The following LARGE1 variants were observed in gnomAD, a reference collection of about 807,000 sequenced individuals.
LARGE1 encodes the protein LARGE xylosyl- and glucuronyltransferase 1.
Under a neutral mutation model 87.6 loss-of-function variants are expected in LARGE1, and 43 were observed. That is an observed-to-expected ratio of 0.49 (90% confidence interval 0.38 to 0.63). The LOEUF is 0.63. LARGE1 is among the 30% of genes least tolerant of loss of function. LARGE1 has a pLI of 0.00. For missense variants in LARGE1, 802 were observed against 1,000.2 expected, an observed-to-expected ratio of 0.80 and a Z score of 2.67; for synonymous variants, 434 against 394.6, an observed-to-expected ratio of 1.10 and a Z score of -1.18.
intron 14 of LARGE1, among the ~76,000 whole-genome samples, chr22:33,275,175 C>T: frequency 6.6e-6 from 1 of 152,172 alleles, no homozygotes; most frequent in Admixed American, 6.5e-5. Flanking sequence ...CAAGAACAAA[C>T]CTCTCCCTGA....
chr22:33,514,338 A>G (rs549212954), intron 6 of LARGE1, among the ~76,000 whole-genome samples: 2 of 152,204 alleles, frequency 1.3e-5, no homozygotes, highest in African/African-American at 4.8e-5. Context: ...ATATGTGTGT[A>G]TATATATATT....
chr22:33,247,433 G>T (rs1358725546), intron 11 of LARGE1, among the ~76,000 whole-genome samples: 1 of 149,836 alleles, frequency 6.7e-6, no homozygotes, highest in African/African-American at 2.5e-5. Context: ...TTCTTCCTTT[G>T]TCAGTGAAAG....
the LARGE1 span, among the ~76,000 whole-genome samples, chr22:33,086,093 G>A: frequency 2.6e-5 from 4 of 152,054 alleles, no homozygotes; most frequent in African/African-American, 7.2e-5. Context: ...AATATGCTTC[G>A]GAAAAATATG....
At chr22:33,730,875 A>G (rs1457581295) in intron 2 of LARGE1, among the ~76,000 whole-genome samples, 2 of 151,838 alleles carry the variant, frequency 1.3e-5, no homozygotes, top group East Asian at 3.9e-4. Context: ...TTCTGTATTT[A>G]GTAGAGACAG....
intron 1 of LARGE1, among the ~76,000 whole-genome samples, chr22:33,874,701 GTCTT>G (rs912903479): frequency 1.4e-4 from 21 of 152,124 alleles, no homozygotes; most frequent in Non-Finnish European, 2.5e-4. Flanking sequence ...GTACTTAACT[GTCTT>G]TGAAAGTTCA....
At chr22:33,110,866 T>C in the LARGE1 span, among the ~76,000 whole-genome samples, 1 of 152,218 alleles carries the variant, frequency 6.6e-6, no homozygotes, top group South Asian at 2.1e-4. Flanking sequence ...ATTGCTTTTC[T>C]GTTGGCCTAT....
intron 1 of LARGE1, among the ~76,000 whole-genome samples, chr22:33,785,015 A>G (rs1029328986): frequency 6.6e-6 from 1 of 150,710 alleles, no homozygotes; most frequent in Non-Finnish European, 1.5e-5. Context: ...ATATGTGTAT[A>G]CATACATATG....
intron 1 of LARGE1, among the ~76,000 whole-genome samples, chr22:33,880,355 G>A (rs1296214415): frequency 6.6e-6 from 1 of 152,170 alleles, no homozygotes; most frequent in East Asian, 1.9e-4. Flanking sequence ...AACTATGATA[G>A]ACTCTCTCAT....
At chr22:33,517,573 T>G (rs1187300667) in intron 6 of LARGE1, among the ~76,000 whole-genome samples, 2 of 151,890 alleles carry the variant, frequency 1.3e-5, no homozygotes, top group Non-Finnish European at 2.9e-5. Flanking sequence ...CGGCTAATTT[T>G]GTATTTTTAG....
At chr22:33,481,216 T>C (rs1420252090) in intron 6 of LARGE1, among the ~76,000 whole-genome samples, 1 of 140,296 alleles carries the variant, frequency 7.1e-6, no homozygotes, top group Non-Finnish European at 1.5e-5. Flanking sequence ...ATTGGCACTA[T>C]AGATACACAC....
chr22:33,891,344 T>C (rs1201813424), intron 1 of LARGE1, among the ~76,000 whole-genome samples: 1 of 152,206 alleles, frequency 6.6e-6, no homozygotes, highest in African/African-American at 2.4e-5. Flanking sequence ...GATGAAGCCA[T>C]TATTCCTTTT....
chr22:33,807,892 A>T (rs1318041061), intron 1 of LARGE1, among the ~76,000 whole-genome samples: 1 of 152,140 alleles, frequency 6.6e-6, no homozygotes, highest in South Asian at 2.1e-4. Context: ...TGGTTTATTT[A>T]TCCATTCACC....
downstream of LARGE1, among the ~76,000 whole-genome samples, chr22:33,159,521 C>A (rs1488629704): frequency 6.6e-6 from 1 of 151,474 alleles, no homozygotes; most frequent in African/African-American, 2.4e-5. Context: ...CACAAATACT[C>A]ATTGATAGAC....
At chr22:33,410,435 G>A (rs975256253) in intron 7 of LARGE1, among the ~76,000 whole-genome samples, 6 of 151,908 alleles carry the variant, frequency 3.9e-5, no homozygotes, top group Middle Eastern at 3.2e-3. Flanking sequence ...GGCGGGGGGC[G>A]GTTTCCTCCA....
At chr22:33,625,323 G>A (rs367635893) in intron 4 of LARGE1, among the ~76,000 whole-genome samples, 4 of 152,206 alleles carry the variant, frequency 2.6e-5, no homozygotes, top group South Asian at 2.1e-4. Flanking sequence ...AGGAACAGAA[G>A]AAAAGTTCCA....
intron 3 of LARGE1, among the ~76,000 whole-genome samples, chr22:33,648,485 G>A (rs1023546348): frequency 9.2e-5 from 14 of 152,178 alleles, no homozygotes; most frequent in Admixed American, 4.6e-4. Flanking sequence ...GGGTAGCAGA[G>A]TTCCCATCCA....
At chr22:33,872,918 T>C (rs969108343) in intron 1 of LARGE1, among the ~76,000 whole-genome samples, 1 of 152,054 alleles carries the variant, frequency 6.6e-6, no homozygotes, top group Non-Finnish European at 1.5e-5. Flanking sequence ...GAGAATTGCC[T>C]GAACCCATGA....
chr22:33,601,060 A>G (rs373603499), intron 5 of LARGE1, among the ~76,000 whole-genome samples: 1 of 152,136 alleles, frequency 6.6e-6, no homozygotes, highest in East Asian at 1.9e-4. Context: ...ACAGAGCAAG[A>G]CTCTGTCTGC....
At position 33,440,437 on chromosome 22, in the gene LARGE1, T is replaced by A. The variant is rs369228056; in HGVS notation, c.788-8172A>T. Among the ~76,000 whole-genome samples, 61 of 152,332 alleles carry A rather than the reference T, an allele frequency of 4.0e-4. No individual in the cohort carries two copies. The East Asian group carries it at 0.011, about 27-fold the overall frequency. The stretch of plus-strand genomic sequence containing the variant: ...ACAGAGGAAGTCTGCCAATCACTGC[T>A]GCTGATCAAACCGGCTGTGCTTATA... On this transcript the variant is annotated intron_variant, in intron 6 of 14. Transcript: ENST00000397394.
Sources: allele counts gnomAD v4.1 joint callset (sites outside exome capture counted in the v4.1 genomes callset), GRCh38; gene constraint gnomAD v4.1.1; transcripts MANE v1.5; gene names NCBI Gene and HGNC (gene_info 2026-07-23, HGNC 2026-07-21).